Variants in PLCB1 observed in about 807,000 individuals in gnomAD.
The protein encoded by PLCB1 is phospholipase C beta 1.
PLCB1 carries 46 observed loss-of-function variants against 161.8 expected under a neutral mutation model. The observed-to-expected ratio is 0.28, with a 90% CI of 0.22 to 0.36. PLCB1 has a LOEUF of 0.36. Ranked by LOEUF, PLCB1 falls within the 10% of genes least tolerant of loss-of-function variation. The pLI is 1.00. For synonymous variants in PLCB1, 517 were observed against 503.7 expected (o/e 1.03, Z -0.35); for missense variants, 1,016 against 1,472.5 (o/e 0.69, Z 5.07).
intron 31 of PLCB1, among the ~76,000 whole-genome samples, chr20:8,813,252 C>T (rs937119519): frequency 6.6e-6 from 1 of 152,206 alleles, no homozygotes; most frequent in Non-Finnish European, 1.5e-5. Flanking sequence ...CAAGTCTACT[C>T]ACTCGCGGAA....
At chr20:8,273,917 A>G (rs966987195) in intron 2 of PLCB1, among the ~76,000 whole-genome samples, 20 of 152,216 alleles carry the variant, frequency 1.3e-4, no homozygotes, top group African/African-American at 4.1e-4. Context: ...ACATTCAGAC[A>G]ACAATAGTTC....
intron 31 of PLCB1, among the ~76,000 whole-genome samples, chr20:8,834,387 C>T (rs1042858095): frequency 6.6e-6 from 1 of 151,690 alleles, no homozygotes; most frequent in Non-Finnish European, 1.5e-5. Context: ...AGAAATTGAA[C>T]CAATAGGAGA....
chr20:8,213,076 A>G (rs1327278818), intron 2 of PLCB1, among the ~76,000 whole-genome samples: 1 of 152,134 alleles, frequency 6.6e-6, no homozygotes, highest in Non-Finnish European at 1.5e-5. Context: ...CTGAGTCTTC[A>G]CAACTCTATT....
chr20:8,563,446 C>T (rs1488646912), intron 3 of PLCB1, among the ~76,000 whole-genome samples: 2 of 151,972 alleles, frequency 1.3e-5, no homozygotes, highest in Non-Finnish European at 2.9e-5. Context: ...TGTCCAAACT[C>T]AAAAGGAAGC....
Position 8,158,473 on chromosome 20 carries a change from G to A in PLCB1, c.177+8102G>A, listed in dbSNP as rs529579931. Among the ~76,000 whole-genome samples, 28 of 152,152 alleles carry A rather than the reference G, an allele frequency of 1.8e-4. No homozygotes were observed. The South Asian group carries it at 5.8e-3, about 32-fold the overall frequency. ...GGAAATCAAGCTGAGATTTGGGTAGGGACACAGCCAAACCATATCATTCTG... is the reference window on the plus strand; with the variant it reads ...GGAAATCAAGCTGAGATTTGGGTAGAGACACAGCCAAACCATATCATTCTG... On this transcript the variant is annotated intron_variant, in intron 2 of 31. Coordinates refer to ENST00000338037, the MANE Select transcript of PLCB1 (RefSeq NM_015192.4).
At chr20:8,339,450 C>A (rs2122217990) in intron 2 of PLCB1, among the ~76,000 whole-genome samples, 1 of 152,294 alleles carries the variant, frequency 6.6e-6, no homozygotes, top group Middle Eastern at 3.4e-3. Flanking sequence ...CCCCTGCCAG[C>A]AAGACCAGCT....
At chr20:8,792,377 G>T (rs1436129084) in intron 31 of PLCB1, among the ~76,000 whole-genome samples, 1 of 152,090 alleles carries the variant, frequency 6.6e-6, no homozygotes, top group Non-Finnish European at 1.5e-5. Context: ...TCAGTTCCAT[G>T]GTCATCAGGT....
rs545051641 is a variant in PLCB1 at position 8,860,813 on chromosome 20, T to G, written c.3424-20809T>G. ...GTTCATATACTGACAGAACAATCAT[T>G]AATTAGTTTTCAAACTAGTTTTGAT... On this transcript the variant is annotated intron_variant, in intron 31 of 31. Coordinates refer to ENST00000338037, the MANE Select transcript of PLCB1 (RefSeq NM_015192.4). Among the ~76,000 whole-genome samples, 12 of 152,364 alleles carry G rather than the reference T, an allele frequency of 7.9e-5. No homozygotes were observed. In the East Asian group the frequency reaches 2.3e-3, roughly 29 times the overall value.
chr20:8,463,173 GTGTGTGTGTCTGTGTA>G (rs1385511470), intron 3 of PLCB1, among the ~76,000 whole-genome samples: 9 of 151,536 alleles, frequency 5.9e-5, no homozygotes, highest in Admixed American at 1.3e-4. Flanking sequence ...GTGTGTGTGT[GTGTGTGTGTCTGTGTA>G]TGTGTGTGTG....
At chr20:8,457,209 C>T (rs775661315) in intron 3 of PLCB1, among the ~76,000 whole-genome samples, 1 of 152,162 alleles carries the variant, frequency 6.6e-6, no homozygotes, top group Non-Finnish European at 1.5e-5. Flanking sequence ...GCACTGTCCC[C>T]TCTCTACCTG....
chr20:8,678,686 A>G (rs1990146622), intron 9 of PLCB1, among the ~76,000 whole-genome samples: 1 of 152,340 alleles, frequency 6.6e-6, no homozygotes, highest in African/African-American at 2.4e-5. Context: ...CACTGGAGAC[A>G]TTCAGCCCCT....
chr20:8,455,337 A>AC (rs1020644824), intron 3 of PLCB1, among the ~76,000 whole-genome samples: 20 of 151,708 alleles, frequency 1.3e-4, no homozygotes, highest in African/African-American at 4.9e-4. Flanking sequence ...ACAAAAAAAA[A>AC]AAAAAAATAC....
chr20:8,802,189 A>G (rs1335324110), intron 31 of PLCB1: 1 of 1,413,706 alleles, frequency 7.1e-7, no homozygotes, highest in South Asian at 1.2e-5. Flanking sequence ...ACTGGATGGG[A>G]GGGGTCGCTT....
intron 3 of PLCB1, among the ~76,000 whole-genome samples, chr20:8,600,397 C>G (rs1215141548): frequency 8.2e-5 from 11 of 134,084 alleles, no homozygotes; most frequent in African/African-American, 3.0e-4. Context: ...GGGGTGCCTC[C>G]CAGTTAGGCT....
chr20:8,851,071 T>A (rs538122026), intron 31 of PLCB1, among the ~76,000 whole-genome samples: 1 of 152,204 alleles, frequency 6.6e-6, no homozygotes, highest in Non-Finnish European at 1.5e-5. Context: ...TAAGGAGATA[T>A]CCTTTAAAAA....
At chr20:8,576,916 A>G (rs1202592449) in intron 3 of PLCB1, among the ~76,000 whole-genome samples, 4 of 152,160 alleles carry the variant, frequency 2.6e-5, no homozygotes, top group African/African-American at 9.7e-5. Flanking sequence ...TGAGACCTGC[A>G]TTTGAGATAA....
At chr20:8,636,924 T>C (rs1037415012) in intron 4 of PLCB1, among the ~76,000 whole-genome samples, 2 of 152,058 alleles carry the variant, frequency 1.3e-5, no homozygotes, top group Non-Finnish European at 2.9e-5. Flanking sequence ...AGAGACAAGC[T>C]ACTCTTCTGC....
intron 1 of PLCB1, among the ~76,000 whole-genome samples, chr20:8,141,260 A>C (rs2051400079): frequency 6.6e-6 from 1 of 152,160 alleles, no homozygotes; most frequent in African/African-American, 2.4e-5. Flanking sequence ...TTCATGGTGT[A>C]TGTACAGTCC....
chr20:8,266,314 G>A (rs866728016), intron 2 of PLCB1, among the ~76,000 whole-genome samples: 1 of 152,164 alleles, frequency 6.6e-6, no homozygotes, highest in African/African-American at 2.4e-5. Context: ...GGGCAATGAT[G>A]TGGCTGGGCT....
Sources: gnomAD v4.1 joint callset for allele counts (sites outside exome capture counted in the v4.1 genomes callset) on GRCh38, gnomAD v4.1.1 for gene constraint, MANE v1.5 for transcripts, NCBI Gene and HGNC (gene_info 2026-07-23, HGNC 2026-07-21) for gene names.